The following CSPP1 variants were observed in gnomAD, a reference collection of about 807,000 sequenced individuals.
CSPP1 encodes the protein centrosome and spindle pole associated protein 1, also known as centrosome and spindle pole-associated protein 1.
A neutral mutation model predicts 164.4 loss-of-function variants in CSPP1; 126 were observed. The observed-to-expected ratio is 0.77, with a 90% CI of 0.66 to 0.89. The LOEUF is 0.89. Ranked by LOEUF, CSPP1 falls within the 40% of genes least tolerant of loss-of-function variation. The pLI is 0.00. For synonymous variants in CSPP1, 472 were observed against 476.7 expected (o/e 0.99, Z 0.13); for missense variants, 1,395 against 1,449.8 (o/e 0.96, Z 0.61).
rs974243176 is a variant in CSPP1 at position 67,113,108 on chromosome 8, G to A, written c.1188-697G>A. 3.3e-5 allele frequency among the ~76,000 whole-genome samples: 5 copies of A among 152,168 alleles called. No homozygotes were observed. In the East Asian group the frequency reaches 7.7e-4, roughly 23 times the overall value. On this transcript the variant is annotated intron_variant, in intron 10 of 30. Transcript: ENST00000678616. Reference sequence around the variant, plus strand: ...AAAATACAAAAAATTAGCCGGGCGTGGTGGCACATGCTTGTGGTCCCAGCT... The same window carrying A: ...AAAATACAAAAAATTAGCCGGGCGTAGTGGCACATGCTTGTGGTCCCAGCT...
intron 24 of CSPP1, among the ~76,000 whole-genome samples, chr8:67,172,115 C>T (rs974398111): frequency 5.3e-5 from 8 of 151,058 alleles, no homozygotes; most frequent in African/African-American, 1.9e-4. Context: ...TCCCAAAGTG[C>T]TGGGATTATA....
chr8:67,179,765 G>A (rs1234760309), intron 27 of CSPP1, 98 bp from the exon 28 acceptor site: 10 of 773,348 alleles, frequency 1.3e-5, no homozygotes, highest in African/African-American at 1.7e-5. Flanking sequence ...CTGCTTTTAG[G>A]GAGAACAGTG....
intron 30 of CSPP1, among the ~76,000 whole-genome samples, chr8:67,193,889 C>T (rs1837125094): frequency 6.6e-6 from 1 of 152,188 alleles, no homozygotes; most frequent in Non-Finnish European, 1.5e-5. Context: ...AAAGAAAATG[C>T]TATATGATAA....
intron 11 of CSPP1, 100 bp from the exon 12 acceptor site, chr8:67,114,229 C>T (rs180881206): frequency 2.2e-4 from 36 of 161,062 alleles, no homozygotes; most frequent in Middle Eastern, 2.9e-3. Flanking sequence ...AGAAAACTGA[C>T]GACTTTATTT....
chr8:67,107,813 G>T (rs548254799), intron 9 of CSPP1, among the ~76,000 whole-genome samples: 3 of 152,208 alleles, frequency 2.0e-5, no homozygotes, highest in Admixed American at 1.3e-4. Flanking sequence ...GTATTGTGGG[G>T]TTTATAAGAG....
At chr8:67,069,532 A>G (rs1469070005) in intron 1 of CSPP1, among the ~76,000 whole-genome samples, 1 of 152,160 alleles carries the variant, frequency 6.6e-6, no homozygotes, top group Non-Finnish European at 1.5e-5. Flanking sequence ...TTAGAACAAC[A>G]TGTAAATGAA....
At chr8:67,153,900 G>A (rs1826172427) in intron 18 of CSPP1, 124 bp from the exon 19 acceptor site, 1 of 561,704 alleles carries the variant, frequency 1.8e-6, no homozygotes, top group South Asian at 2.3e-5. Flanking sequence ...TTCCCCTTCT[G>A]ATTTTAATCT....
In CSPP1 at chr8:67,193,139, G is replaced by GAGAT. The variant is rs1836874649; in HGVS notation, c.3331-321_3331-318dup. 2.0e-5 allele frequency among the ~76,000 whole-genome samples: 3 copies of GAGAT among 150,712 alleles called. No homozygotes were observed. In the South Asian group the frequency reaches 6.3e-4, roughly 31 times the overall value. ...TTTGCTGGTTTTTTTCTTTTTTTTT[G>GAGAT]AGATAGAGTCTCTGTCTCCCAGGCT... On this transcript the variant is annotated intron_variant, in intron 29 of 30. Transcript: ENST00000678616.
intron 18 of CSPP1, among the ~76,000 whole-genome samples, chr8:67,152,202 T>C (rs908168030): frequency 3.3e-5 from 5 of 152,256 alleles, no homozygotes; most frequent in African/African-American, 1.2e-4. Context: ...TGAGTGCATG[T>C]ATGTGTATGT....
At chr8:67,111,284 T>C (rs1478961429) in intron 9 of CSPP1, among the ~76,000 whole-genome samples, 1 of 152,168 alleles carries the variant, frequency 6.6e-6, no homozygotes, top group East Asian at 1.9e-4. Context: ...GTGAGAGGTT[T>C]GTATTTTTTC....
chr8:67,158,385 A>G (rs760625379), intron 19 of CSPP1, 62 bp from the exon 20 acceptor site: 64 of 1,452,070 alleles, frequency 4.4e-5, no homozygotes, highest in South Asian at 8.3e-5. Flanking sequence ...CAGGAAAAAA[A>G]TAAGTGATAT....
Position 67,136,568 on chromosome 8 carries a change from CAAAAAAAAAAA to C in CSPP1, c.1828-871_1828-861del, listed in dbSNP as rs35184133. Among the ~76,000 whole-genome samples the C allele has an allele frequency of 7.2e-4, 20 of 27,694 alleles. 1 individual carries two copies. The highest frequency in any genetic ancestry group is 2.6e-3 in the East Asian group (2 of 762). The allele number at this position is 27,694 out of a possible 152,430, so 18.2% of individuals were successfully genotyped here. A position where few individuals can be genotyped will look rare whatever the true frequency, so the allele number is the denominator to read the frequency against. On this transcript the variant is annotated intron_variant, in intron 16 of 30. Transcript: ENST00000678616. ...TGGGTGACAGAGCGAGACTCCGTCT[CAAAAAAAAAAA>C]AAAAAAAAAAAAAAAATGCAATGTC...
chr8:67,162,353 T>TCTGGC (rs1828528430), intron 22 of CSPP1, among the ~76,000 whole-genome samples: 3 of 152,202 alleles, frequency 2.0e-5, no homozygotes, highest in African/African-American at 7.2e-5. Context: ...CATGGTGTGG[T>TCTGGC]CTGGCCTGAT....
At chr8:67,184,740 A>G (rs1055960872) in intron 28 of CSPP1, among the ~76,000 whole-genome samples, 5 of 129,082 alleles carry the variant, frequency 3.9e-5, no homozygotes, top group African/African-American at 1.8e-4. Flanking sequence ...TAATAATAAA[A>G]AAATATAATA....
At chr8:67,129,925 G>A (rs1820863800) in intron 15 of CSPP1, among the ~76,000 whole-genome samples, 1 of 152,198 alleles carries the variant, frequency 6.6e-6, no homozygotes, top group African/African-American at 2.4e-5. Context: ...TTATGGTGAT[G>A]ATCGCACAAC....
intron 17 of CSPP1, 28 bp downstream of exon 17, chr8:67,137,631 A>T (rs761849792): frequency 2.1e-6 from 3 of 1,422,402 alleles, no homozygotes; most frequent in Non-Finnish European, 2.8e-6. Context: ...ACTTGTTTTT[A>T]AAATAAGCTA....
Position 67,149,829 on chromosome 8 carries a change from C to T in CSPP1, c.2022C>T (p.Asn674=). ...GACAAAATATAGATGCCTACCATAA[C>T]CCAGATGCAAGAACATATGAAGATA... ...MHRQNIDAYH[N]PDARTYEDKR... Residue 674 remains asparagine (N), a synonymous_variant, in exon 18 of 31, where the codon AAC becomes AAT. Transcript: ENST00000678616. 1 of 1,603,682 alleles carries T rather than the reference C, an allele frequency of 6.2e-7. No individual in the cohort carries two copies. The highest frequency in any genetic ancestry group is 1.1e-5 in the South Asian group (1 of 88,644).
At position 67,163,732 on chromosome 8, in the gene CSPP1, G is replaced by C; in HGVS notation, c.2644G>C (p.Glu882Gln). 1 of 1,611,630 alleles carries C rather than the reference G, an allele frequency of 6.2e-7. No homozygotes were observed. Among genetic ancestry groups the C allele is most frequent in the Non-Finnish European group, 8.5e-7 (1 of 1,178,388 alleles). ...TGTCTTTGTCATTATTGTTGAACAG[G>C]AAAGTTCCATGTCCAGGGCACAGTC... ...VDSIIRSFIH[E>Q]SSMSRAQSPP... Residue 882 changes from glutamate (E) to glutamine (Q), a missense_variant and splice_region_variant, in exon 23 of 31, where the codon GAA becomes CAA. Coordinates refer to ENST00000678616, the MANE Select transcript of CSPP1 (RefSeq NM_001382391.1).
intron 9 of CSPP1, among the ~76,000 whole-genome samples, 193 bp downstream of exon 9, chr8:67,106,168 A>T (rs531083930): frequency 6.6e-6 from 1 of 152,250 alleles, no homozygotes; most frequent in African/African-American, 2.4e-5. Context: ...TTGTATTTTT[A>T]AAATTTTATG....
Sources: allele counts gnomAD v4.1 joint callset (sites outside exome capture counted in the v4.1 genomes callset), GRCh38; gene constraint gnomAD v4.1.1; transcripts MANE v1.5; gene names NCBI Gene and HGNC (gene_info 2026-07-23, HGNC 2026-07-21).